The following CREB5 variants were observed in gnomAD, a reference collection of about 807,000 sequenced individuals.
CREB5 encodes the protein cAMP responsive element binding protein 5, also known as cyclic AMP-responsive element-binding protein 5.
Under a neutral mutation model 57.1 loss-of-function variants are expected in CREB5, and 19 were observed. That is an observed-to-expected ratio of 0.33 (90% confidence interval 0.23 to 0.49). The LOEUF (loss-of-function observed/expected upper bound fraction) is 0.49. CREB5 is among the 20% of genes least tolerant of loss of function. The probability of loss-of-function intolerance (pLI) is 0.99; values close to 1 mark genes in which losing one functional copy is unlikely to be tolerated. For synonymous variants in CREB5, 238 were observed against 238.3 expected (o/e 1.00, Z 0.01); for missense variants, 579 against 671.6 (o/e 0.86, Z 1.52).
chr7:28,457,517 AT>A lies in CREB5; in HGVS notation c.4-30650del, dbSNP rs75229000. Among the ~76,000 whole-genome samples, 6 of 152,304 alleles carry A rather than the reference AT, an allele frequency of 3.9e-5. No homozygotes were observed. The East Asian group carries it at 9.7e-4, about 25-fold the overall frequency. On this transcript the variant is annotated intron_variant, in intron 1 of 10. Transcript: ENST00000357727. ...CAAAATAATTTTAACACTTAAAAAA[AT>A]TTTTTTTGAGAAGGTACTAGATGAG...
At chr7:28,546,549 G>C (rs1794431629) in intron 4 of CREB5, among the ~76,000 whole-genome samples, 1 of 152,198 alleles carries the variant, frequency 6.6e-6, no homozygotes, top group African/African-American at 2.4e-5. Flanking sequence ...AGTATTGTAA[G>C]GACAGACTGC....
At position 28,654,127 on chromosome 7, in the gene CREB5, T is replaced by A. The variant is rs529911096; in HGVS notation, c.465-64626T>A. On this transcript the variant is annotated intron_variant, in intron 5 of 10. Coordinates refer to ENST00000357727, the MANE Select transcript of CREB5 (RefSeq NM_182898.4). ...TACACCAGACCTCTAATGAAAACAT[T>A]GATTTATACAAATAAGATGTTGCCT... 2.0e-3 allele frequency among the ~76,000 whole-genome samples: 306 copies of A among 152,344 alleles called. 1 individual carries two copies. The highest frequency in any genetic ancestry group is 6.9e-3 in the African/African-American group (287 of 41,582).
chr7:28,805,674 G>A (rs1808682337), intron 8 of CREB5, among the ~76,000 whole-genome samples: 2 of 152,166 alleles, frequency 1.3e-5, no homozygotes, highest in Non-Finnish European at 2.9e-5. Context: ...AAGGTTCTTA[G>A]AGGTGTTCTA....
intron 1 of CREB5, among the ~76,000 whole-genome samples, chr7:28,323,037 C>T (rs1308025818): frequency 6.6e-6 from 1 of 152,188 alleles, no homozygotes; most frequent in Non-Finnish European, 1.5e-5. Flanking sequence ...TGACCACCAA[C>T]AAATCATTGA....
chr7:28,326,963 C>A (rs1785619151), intron 1 of CREB5, among the ~76,000 whole-genome samples: 1 of 151,918 alleles, frequency 6.6e-6, no homozygotes, highest in Non-Finnish European at 1.5e-5. Flanking sequence ...ACCTGGCCAA[C>A]ACGGCGAAAC....
rs761638336 is a variant in CREB5 at position 28,712,194 on chromosome 7, GT to G, written c.465-6556del. On this transcript the variant is annotated intron_variant, in intron 5 of 10. Transcript: ENST00000357727. ...AGGAAGCTAAGTATATTGTCTTTCT[GT>G]TTAACCTTCTACTTGATTATTCTAA... Among the ~76,000 whole-genome samples the G allele has an allele frequency of 3.2e-4, 49 of 152,138 alleles. 1 individual carries two copies. The highest frequency in any genetic ancestry group is 6.0e-4 in the Non-Finnish European group (41 of 68,000).
intron 1 of CREB5, among the ~76,000 whole-genome samples, chr7:28,358,335 A>T: frequency 6.6e-6 from 1 of 152,144 alleles, no homozygotes; most frequent in East Asian, 1.9e-4. Context: ...CCACCTGTGG[A>T]CCCCAACCAT....
At chr7:28,641,988 ATGCGAAGCAAG>A (rs1165479852) in intron 5 of CREB5, among the ~76,000 whole-genome samples, 1 of 152,190 alleles carries the variant, frequency 6.6e-6, no homozygotes, top group Non-Finnish European at 1.5e-5. Context: ...GCATGTCACA[ATGCGAAGCAAG>A]TTATGGGAGG....
chr7:28,817,501 T>C (rs985246410), intron 9 of CREB5, among the ~76,000 whole-genome samples: 20 of 152,328 alleles, frequency 1.3e-4, no homozygotes, highest in Admixed American at 2.6e-4. Flanking sequence ...TCTGATTGCA[T>C]TTCAGGTGGA....
At chr7:28,769,360 A>G (rs1330237382) in intron 7 of CREB5, among the ~76,000 whole-genome samples, 1 of 152,234 alleles carries the variant, frequency 6.6e-6, no homozygotes, top group Non-Finnish European at 1.5e-5. Context: ...TGTTAACACA[A>G]AGAAATGAAT....
At position 28,368,596 on chromosome 7, in the gene CREB5, C is replaced by T. The variant is rs144155392; in HGVS notation, c.-25+69155C>T. Among the ~76,000 whole-genome samples the T allele has an allele frequency of 3.8e-3, 576 of 152,220 alleles. 4 individuals are homozygous for T. The highest frequency in any genetic ancestry group is 4.4e-3 in the Admixed American group (68 of 15,292). On this transcript the variant is annotated intron_variant, in intron 1 of 9. Transcript: ENST00000396299. ...TACTCAGGGCCTTGTTCTTGCTGTG[C>T]GCTGAGCCTAGAAATTTCTTCCCTC...
chr7:28,560,875 C>CGCGTGCGTGCGCGTGCGTGCGT lies in CREB5; in HGVS notation c.292-9489_292-9488insCGTGCGTGCGCGTGCGTGCGTG, dbSNP rs1795127001. Among the ~76,000 whole-genome samples the CGCGTGCGTGCGCGTGCGTGCGT allele has an allele frequency of 1.6e-4, 3 of 19,220 alleles. 1 individual carries two copies. Among genetic ancestry groups the CGCGTGCGTGCGCGTGCGTGCGT allele is most frequent in the African/African-American group, 3.6e-4 (2 of 5,538 alleles). 12.6% of individuals were successfully genotyped at this position (19,220 alleles called of 152,430 possible). A position where few individuals can be genotyped will look rare whatever the true frequency, so the allele number is the denominator to read the frequency against. On this transcript the variant is annotated intron_variant, in intron 4 of 10. Coordinates refer to ENST00000357727, the MANE Select transcript of CREB5 (RefSeq NM_182898.4). ...GTGTGTGTGCGTGTGCCTGCGTGCG[C>CGCGTGCGTGCGCGTGCGTGCGT]GTGCGTGCGTGCGTGTGTGTGCGTG...
intron 4 of CREB5, among the ~76,000 whole-genome samples, chr7:28,550,892 C>T (rs1794611827): frequency 6.6e-6 from 1 of 152,268 alleles, no homozygotes; most frequent in Admixed American, 6.5e-5. Context: ...GAGTATCACC[C>T]CGAGGCTTCA....
chr7:28,373,130 C>T (rs1283813564), intron 1 of CREB5, among the ~76,000 whole-genome samples: 1 of 152,180 alleles, frequency 6.6e-6, no homozygotes, highest in East Asian at 1.9e-4. Flanking sequence ...TAAGTCCTAG[C>T]ATAAGACCTG....
intron 1 of CREB5, among the ~76,000 whole-genome samples, chr7:28,470,265 A>G (rs1790751225): frequency 6.6e-6 from 1 of 151,994 alleles, no homozygotes; most frequent in Admixed American, 6.6e-5. Flanking sequence ...TCTACCCTCT[A>G]TCTCCATGGG....
intron 7 of CREB5, among the ~76,000 whole-genome samples, chr7:28,725,805 A>C (rs1405404889): frequency 6.6e-6 from 1 of 152,128 alleles, no homozygotes; most frequent in East Asian, 1.9e-4. Flanking sequence ...TTACTTTGGA[A>C]TCTTCTTATC....
chr7:28,520,871 C>T (rs910995273), intron 4 of CREB5, among the ~76,000 whole-genome samples: 6 of 152,218 alleles, frequency 3.9e-5, no homozygotes, highest in African/African-American at 1.2e-4. Context: ...TGGTTGAGGG[C>T]TTAATCACAG....
intron 4 of CREB5, among the ~76,000 whole-genome samples, chr7:28,519,344 G>A (rs563771454): frequency 6.6e-6 from 1 of 152,302 alleles, no homozygotes; most frequent in East Asian, 1.9e-4. Context: ...ACAATTTCAT[G>A]CCAATTTCTG....
At chr7:28,486,085 A>G (rs934478873) in intron 1 of CREB5, among the ~76,000 whole-genome samples, 1 of 152,200 alleles carries the variant, frequency 6.6e-6, no homozygotes, top group Admixed American at 6.5e-5. Flanking sequence ...CACTGTATTC[A>G]TGGGTGGCCA....
Sources: allele counts gnomAD v4.1 joint callset (sites outside exome capture counted in the v4.1 genomes callset), GRCh38; gene constraint gnomAD v4.1.1; transcripts MANE v1.5; gene names NCBI Gene and HGNC (gene_info 2026-07-23, HGNC 2026-07-21).